The following ROR1 variants were observed in gnomAD, a reference collection of about 807,000 sequenced individuals.
ROR1 encodes the protein inactive tyrosine-protein kinase transmembrane receptor ROR1.
ROR1 carries 19 observed loss-of-function variants against 78.8 expected under a neutral mutation model. The observed-to-expected ratio is 0.24, with a 90% CI of 0.17 to 0.35. ROR1 has a LOEUF of 0.35. Among genes scored for constraint, ROR1 ranks in the 10% least tolerant of loss-of-function variants. ROR1 has a pLI of 1.00. For missense variants in ROR1, 917 were observed against 1,177.8 expected, an observed-to-expected ratio of 0.78 and a Z score of 3.24; for synonymous variants, 386 against 433.6, an observed-to-expected ratio of 0.89 and a Z score of 1.36.
intron 4 of ROR1, among the ~76,000 whole-genome samples, chr1:64,055,758 G>A (rs1465313167): frequency 1.3e-5 from 2 of 152,068 alleles, no homozygotes; most frequent in Admixed American, 6.6e-5. Context: ...TAAAGTGTGC[G>A]ACTCAGTCTT....
chr1:64,139,652 T>G (rs539647480), intron 5 of ROR1, among the ~76,000 whole-genome samples: 1 of 152,314 alleles, frequency 6.6e-6, no homozygotes, highest in South Asian at 2.1e-4. Flanking sequence ...CAAGTTACCC[T>G]AAGTCATCCA....
Position 64,155,475 on chromosome 1 carries a change from TG to T in ROR1, c.1175-3503del, listed in dbSNP as rs1314661189. 5.8e-5 allele frequency among the ~76,000 whole-genome samples: 5 copies of T among 85,592 alleles called. No individual in the cohort carries two copies. In the East Asian group the frequency reaches 1.7e-3, roughly 29 times the overall value. 56.2% of individuals were successfully genotyped at this position (85,592 alleles called of 152,430 possible). A position where few individuals can be genotyped will look rare whatever the true frequency, so the allele number is the denominator to read the frequency against. On this transcript the variant is annotated intron_variant, in intron 7 of 8. Transcript: ENST00000371079. ...ATTATTTCACTTGGCAAAAAGACAC[TG>T]GGCCCCTTGTGCTTGTTAGCATATC...
chr1:64,138,376 A>T (rs1439811845), intron 5 of ROR1, among the ~76,000 whole-genome samples: 1 of 152,190 alleles, frequency 6.6e-6, no homozygotes, highest in Non-Finnish European at 1.5e-5. Context: ...TGAAATTAAA[A>T]TGTAACCGTT....
At chr1:63,985,661 A>G (rs1250630130) in intron 1 of ROR1, among the ~76,000 whole-genome samples, 2 of 151,952 alleles carry the variant, frequency 1.3e-5, no homozygotes, top group Non-Finnish European at 2.9e-5. Context: ...CAGGAGAATC[A>G]CTTGAGTCCA....
chr1:63,891,686 C>T (rs1203392709), intron 1 of ROR1, among the ~76,000 whole-genome samples: 1 of 152,086 alleles, frequency 6.6e-6, no homozygotes, highest in Admixed American at 6.5e-5. Context: ...CTGCAGAGGG[C>T]CCGGTAGAAC....
Position 64,120,202 on chromosome 1 carries a change from C to G in ROR1, c.483-17167C>G, listed in dbSNP as rs150440227. Among the ~76,000 whole-genome samples, 616 of 150,790 alleles carry G rather than the reference C, an allele frequency of 4.1e-3. 2 individuals are homozygous for G. The highest frequency in any genetic ancestry group is 0.014 in the African/African-American group (575 of 41,340). ...AGTCTAATATCCAGAGAGCAGGATT[C>G]TTTCCCATGAACAGGACCATGGAAA... On this transcript the variant is annotated intron_variant, in intron 4 of 8. Coordinates refer to ENST00000371079, the MANE Select transcript of ROR1 (RefSeq NM_005012.4).
chr1:64,078,468 G>A (rs1432325767), intron 4 of ROR1, among the ~76,000 whole-genome samples: 1 of 152,170 alleles, frequency 6.6e-6, no homozygotes, highest in Non-Finnish European at 1.5e-5. Context: ...TGTAAGCAGA[G>A]CTAAGATGTC....
At chr1:63,822,258 TG>T (rs1644927855) in intron 1 of ROR1, among the ~76,000 whole-genome samples, 1 of 152,208 alleles carries the variant, frequency 6.6e-6, no homozygotes, top group African/African-American at 2.4e-5. Context: ...TGGCACATAG[TG>T]GATGCGAAAT....
chr1:63,824,390 A>G (rs1202544492), intron 1 of ROR1, among the ~76,000 whole-genome samples: 1 of 152,222 alleles, frequency 6.6e-6, no homozygotes, highest in Admixed American at 6.5e-5. Flanking sequence ...AATTTCATAC[A>G]GCTTTCATTT....
chr1:64,147,437 A>G, intron 7 of ROR1, among the ~76,000 whole-genome samples: 1 of 152,194 alleles, frequency 6.6e-6, no homozygotes, highest in East Asian at 1.9e-4. Flanking sequence ...AGCCACGAAT[A>G]TATCCATTAA....
intron 1 of ROR1, among the ~76,000 whole-genome samples, chr1:63,872,776 G>T (rs1378956946): frequency 6.6e-6 from 1 of 152,094 alleles, no homozygotes; most frequent in Non-Finnish European, 1.5e-5. Flanking sequence ...ATGGTTTTTG[G>T]ATTGTCCATT....
chr1:64,145,857 C>T (rs1312181982), intron 7 of ROR1, among the ~76,000 whole-genome samples: 2 of 152,130 alleles, frequency 1.3e-5, no homozygotes, highest in East Asian at 3.9e-4. Context: ...CATACTCTGA[C>T]AGGTATTATT....
At chr1:63,843,179 GCCAGAACCGGCTCAC>G in intron 1 of ROR1, 1 of 1,223,050 alleles carries the variant, frequency 8.2e-7, no homozygotes, top group Admixed American at 1.8e-5. Context: ...CAGGCAGGTG[GCCAGAACCGGCTCAC>G]AAAGGCTTGT....
chr1:63,871,102 G>A (rs1645248380), intron 1 of ROR1, among the ~76,000 whole-genome samples: 1 of 152,198 alleles, frequency 6.6e-6, no homozygotes, highest in Non-Finnish European at 1.5e-5. Flanking sequence ...CTCAATAAAT[G>A]TGAAATGTTA....
chr1:63,786,242 C>A (rs542347617), intron 1 of ROR1, among the ~76,000 whole-genome samples: 1 of 141,948 alleles, frequency 7.0e-6, no homozygotes, highest in South Asian at 2.3e-4. Flanking sequence ...CCCCCTTACG[C>A]TGGCTACAAC....
intron 1 of ROR1, among the ~76,000 whole-genome samples, chr1:63,874,748 T>C (rs375700752): frequency 6.6e-6 from 1 of 152,164 alleles, no homozygotes; most frequent in Non-Finnish European, 1.5e-5. Context: ...TGGAGGATGA[T>C]AAATGTGTGC....
rs1650425524 is a variant in ROR1, at chr1:64,177,752, T to C, written c.1711T>C (p.Ser571Pro). 6.2e-7 allele frequency: 1 copy of C among 1,614,128 alleles called. No individual in the cohort carries two copies. The highest frequency in any genetic ancestry group is 8.5e-7 in the Non-Finnish European group (1 of 1,180,004). ...HEFLIMRSPH[S>P]DVGCSSDEDG... is the part of the protein sequence containing the mutation. ...GTTCCTCATCATGAGATCCCCACAC[T>C]CTGATGTTGGCTGCAGCAGTGATGA... The change falls in exon 9 of 9, where the codon TCT becomes CCT. Residue 571 changes from serine to proline, a missense_variant. Physicochemically the swap from Ser to Pro is moderately conservative, Grantham distance 74. This residue lies in a region of ROR1 where 835 missense variants were observed against 1,069.8 expected (regional missense o/e 0.78). Transcript: ENST00000371079.
intron 7 of ROR1, among the ~76,000 whole-genome samples, chr1:64,149,661 T>C (rs1001651476): frequency 8.5e-5 from 13 of 152,202 alleles, no homozygotes; most frequent in African/African-American, 2.7e-4. Flanking sequence ...GTCCTCAAAG[T>C]TGGCCATCTT....
intron 4 of ROR1, among the ~76,000 whole-genome samples, chr1:64,096,878 C>CT (rs1647319011): frequency 6.7e-6 from 1 of 148,174 alleles, no homozygotes; most frequent in Non-Finnish European, 1.5e-5. Flanking sequence ...ATACGCATTC[C>CT]TTTTTTTCTC....
Sources: gnomAD v4.1 joint callset for allele counts (sites outside exome capture counted in the v4.1 genomes callset) on GRCh38, gnomAD v4.1.1 for gene constraint, gnomAD v4.1.1 regional missense constraint, MANE v1.5 for transcripts, NCBI Gene and HGNC (gene_info 2026-07-23, HGNC 2026-07-21) for gene names.